The following ZCWPW2 variants were observed in gnomAD, a reference collection of about 807,000 sequenced individuals.
ZCWPW2 encodes zinc finger CW-type PWWP domain protein 2.
ZCWPW2 carries 45 observed loss-of-function variants against 46.6 expected under a neutral mutation model. That is an observed-to-expected ratio of 0.96 (90% CI 0.76 to 1.24). ZCWPW2 has a LOEUF of 1.24. ZCWPW2 is among the 50% of genes most tolerant of loss of function. The pLI is 0.00. For synonymous variants in ZCWPW2, 152 were observed against 137.1 expected (o/e 1.11, Z -0.76); for missense variants, 429 against 403.9 (o/e 1.06, Z -0.53).
chr3:28,491,190 G>A (rs1286233749), intron 5 of ZCWPW2, among the ~76,000 whole-genome samples: 4 of 152,072 alleles, frequency 2.6e-5, no homozygotes, highest in African/African-American at 9.7e-5. Context: ...ACATTCATTA[G>A]TGGAGAGAAA....
intron 1 of ZCWPW2, among the ~76,000 whole-genome samples, chr3:28,369,453 G>A (rs148467869): frequency 0.026 from 3,987 of 152,212 alleles, 151 homozygotes; most frequent in African/African-American, 0.085. Flanking sequence ...TATCAGCAGC[G>A]GAGGCTGCAG....
chr3:28,370,230 A>C (rs908861963), intron 1 of ZCWPW2, among the ~76,000 whole-genome samples: 1 of 152,066 alleles, frequency 6.6e-6, no homozygotes, highest in Non-Finnish European at 1.5e-5. Flanking sequence ...TGCAGAAATC[A>C]CCCGTCTTCT....
intron 6 of ZCWPW2, among the ~76,000 whole-genome samples, chr3:28,498,385 C>G (rs555169913): frequency 6.6e-6 from 1 of 151,836 alleles, no homozygotes; most frequent in African/African-American, 2.4e-5. Flanking sequence ...GAAAGTTAAC[C>G]TAAACATCTT....
intron 5 of ZCWPW2, among the ~76,000 whole-genome samples, chr3:28,486,416 T>C (rs970671734): frequency 6.6e-6 from 1 of 151,436 alleles, no homozygotes; most frequent in African/African-American, 2.5e-5. Flanking sequence ...CAGTTTTCAG[T>C]GCTCTTGTTG....
At chr3:28,364,463 C>T (rs1223473603) in intron 1 of ZCWPW2, among the ~76,000 whole-genome samples, 1 of 151,870 alleles carries the variant, frequency 6.6e-6, no homozygotes, top group African/African-American at 2.4e-5. Context: ...TTTTTTTCCT[C>T]TGGGTAGATA....
chr3:28,379,979 T>A (rs1031400488), intron 1 of ZCWPW2, among the ~76,000 whole-genome samples: 1 of 152,030 alleles, frequency 6.6e-6, no homozygotes, highest in African/African-American at 2.4e-5. Flanking sequence ...TTTATTTTTA[T>A]TTTTTTAGTT....
At chr3:28,446,039 A>C (rs1697978041) in intron 4 of ZCWPW2, among the ~76,000 whole-genome samples, 1 of 152,284 alleles carries the variant, frequency 6.6e-6, no homozygotes, top group South Asian at 2.1e-4. Flanking sequence ...AAAATCTTCC[A>C]CAACTGAAGG....
At chr3:28,351,487 T>A (rs1371481267) in intron 1 of ZCWPW2, 3 of 151,630 alleles carry the variant, frequency 2.0e-5, no homozygotes, top group African/African-American at 7.3e-5. Flanking sequence ...TTTTTACTTA[T>A]TTTTAGGTAA....
chr3:28,475,558 A>G (rs1699208730), intron 4 of ZCWPW2, among the ~76,000 whole-genome samples: 1 of 152,206 alleles, frequency 6.6e-6, no homozygotes, highest in Non-Finnish European at 1.5e-5. Context: ...AGTAGTAGCC[A>G]AAGACCCTAC....
At chr3:28,384,526 A>G (rs1695203105) in intron 1 of ZCWPW2, among the ~76,000 whole-genome samples, 1 of 151,526 alleles carries the variant, frequency 6.6e-6, no homozygotes. Context: ...TTGCCTTTCA[A>G]TTTACTTTAT....
chr3:28,515,514 T>G, intron 7 of ZCWPW2, 40 bp from the exon 8 acceptor site: 1 of 1,445,470 alleles, frequency 6.9e-7, no homozygotes, highest in Non-Finnish European at 9.6e-7. Flanking sequence ...ATATTCATGA[T>G]TGATCTTTTG....
intron 1 of ZCWPW2, among the ~76,000 whole-genome samples, chr3:28,357,466 A>C (rs746031439): frequency 6.6e-6 from 1 of 152,146 alleles, no homozygotes; most frequent in South Asian, 2.1e-4. Context: ...TAAGATTAGC[A>C]TTTGAATAGT....
intron 1 of ZCWPW2, among the ~76,000 whole-genome samples, chr3:28,378,193 G>A (rs756405137): frequency 7.9e-5 from 12 of 151,920 alleles, no homozygotes; most frequent in Non-Finnish European, 1.0e-4. Flanking sequence ...ACATAGGAGC[G>A]TAAATTTCTT....
Position 28,430,059 on chromosome 3 carries a change from G to A in ZCWPW2, c.333-5051G>A, listed in dbSNP as rs140778677. Among the ~76,000 whole-genome samples, 399 of 152,296 alleles carry A rather than the reference G, an allele frequency of 2.6e-3. 18 individuals are homozygous for A. The East Asian group carries it at 0.076, about 29-fold the overall frequency. On this transcript the variant is annotated intron_variant, in intron 3 of 9. Transcript: ENST00000383768. ...CCCCACTGAGGCACTGCCTAGTGGA[G>A]CTGTGAGAAGAGGGCCATCTTCTTC...
intron 1 of ZCWPW2, among the ~76,000 whole-genome samples, chr3:28,368,124 T>A (rs1271917171): frequency 1.3e-5 from 2 of 152,226 alleles, no homozygotes; most frequent in East Asian, 3.9e-4. Context: ...GTCTTTTAAC[T>A]GGAGCATTTA....
At chr3:28,428,399 T>C (rs748574197) in intron 3 of ZCWPW2, 19 of 152,134 alleles carry the variant, frequency 1.2e-4, no homozygotes, top group African/African-American at 3.4e-4. Context: ...ACAAGAGCCA[T>C]AGGACTCTGC....
intron 1 of ZCWPW2, among the ~76,000 whole-genome samples, chr3:28,371,447 A>T (rs1276801471): frequency 6.6e-6 from 1 of 152,130 alleles, no homozygotes; most frequent in Non-Finnish European, 1.5e-5. Flanking sequence ...TTGACTTGAT[A>T]AGAGTCTTAC....
In ZCWPW2 at chr3:28,423,067, A is replaced by G. The variant is rs371064868; in HGVS notation, c.332+9667A>G. The stretch of plus-strand genomic sequence containing the variant: ...ATCTGGTTATTCATTTTCTTATTGT[A>G]AAGTTTGAAGAGTTCTTTGTATATT... On this transcript the variant is annotated intron_variant, in intron 3 of 9. Coordinates refer to ENST00000383768, the MANE Select transcript of ZCWPW2 (RefSeq NM_001040432.4). Among the ~76,000 whole-genome samples the G allele has an allele frequency of 1.1e-4, 17 of 151,962 alleles. No homozygotes were observed. In the East Asian group the frequency reaches 2.1e-3, roughly 19 times the overall value.
chr3:28,498,112 G>A (rs1700044249), intron 6 of ZCWPW2, among the ~76,000 whole-genome samples: 2 of 151,944 alleles, frequency 1.3e-5, no homozygotes. Flanking sequence ...GTGGGCCTAA[G>A]ATAAATAATA....
Sources: allele counts gnomAD v4.1 joint callset (sites outside exome capture counted in the v4.1 genomes callset), GRCh38; gene constraint gnomAD v4.1.1; transcripts MANE v1.5; gene names NCBI Gene and HGNC (gene_info 2026-07-23, HGNC 2026-07-21).